Variants in ADGRB3 observed in about 807,000 individuals in gnomAD.
ADGRB3 encodes adhesion G protein-coupled receptor B3, also known as brain-specific angiogenesis inhibitor 3.
In ADGRB3, 37 loss-of-function variants were observed where a neutral mutation model predicts 193.4. The observed-to-expected ratio is 0.19, with a 90% CI of 0.15 to 0.25. ADGRB3 has a LOEUF of 0.25. ADGRB3 is among the 10% of genes least tolerant of loss of function. The pLI, the probability that ADGRB3 is intolerant of heterozygous loss-of-function variation, is 1.00. For missense variants in ADGRB3, 1,637 were observed against 1,852.9 expected (o/e 0.88, Z 2.14); for synonymous variants, 690 against 644.2 (o/e 1.07, Z -1.08).
intron 17 of ADGRB3, among the ~76,000 whole-genome samples, chr6:69,175,976 G>A (rs962618389): frequency 1.3e-5 from 2 of 152,018 alleles, no homozygotes; most frequent in Non-Finnish European, 1.5e-5. Flanking sequence ...TATTGATTTT[G>A]GTACATTGAT....
intron 20 of ADGRB3, among the ~76,000 whole-genome samples, chr6:69,318,337 C>T (rs1283466): frequency 0.17 from 25,268 of 151,124 alleles, 2,243 homozygotes; most frequent in Non-Finnish European, 0.18. Context: ...ATTAATGTGA[C>T]CATATGATTT....
chr6:69,095,687 A>G (rs1772853279), intron 17 of ADGRB3, among the ~76,000 whole-genome samples: 1 of 152,174 alleles, frequency 6.6e-6, no homozygotes, highest in Non-Finnish European at 1.5e-5. Context: ...TGTCGATATA[A>G]AAGACATTAA....
At chr6:69,069,731 T>TAAAAAA (rs754345752) in intron 16 of ADGRB3, among the ~76,000 whole-genome samples, 14 of 108,218 alleles carry the variant, frequency 1.3e-4, no homozygotes, top group African/African-American at 2.0e-4. Context: ...ACTCTCTCAT[T>TAAAAAA]AAAAAAAAAA....
intron 17 of ADGRB3, among the ~76,000 whole-genome samples, chr6:69,094,978 G>T (rs1396065655): frequency 6.6e-6 from 1 of 152,194 alleles, no homozygotes; most frequent in Non-Finnish European, 1.5e-5. Context: ...GAGAACAAAA[G>T]ATATGGACCT....
intron 3 of ADGRB3, among the ~76,000 whole-genome samples, chr6:68,868,472 C>T (rs1423248174): frequency 2.0e-5 from 3 of 152,118 alleles, no homozygotes; most frequent in Non-Finnish European, 4.4e-5. Context: ...ATGTTGTTAT[C>T]TTTAGGAAGA....
intron 20 of ADGRB3, among the ~76,000 whole-genome samples, chr6:69,307,508 A>T (rs1427502786): frequency 2.0e-5 from 3 of 151,660 alleles, no homozygotes; most frequent in Non-Finnish European, 4.4e-5. Flanking sequence ...AAGTTTCATT[A>T]TAAGCATAGC....
At chr6:69,140,638 AT>A (rs1774307919) in intron 17 of ADGRB3, among the ~76,000 whole-genome samples, 1 of 152,228 alleles carries the variant, frequency 6.6e-6, no homozygotes, top group Admixed American at 6.5e-5. Flanking sequence ...CATTTAAAAA[AT>A]AACTAAAAAT....
Position 69,366,235 on chromosome 6 carries a change from G to A in ADGRB3, c.4239+4723G>A, listed in dbSNP as rs375900911. Among the ~76,000 whole-genome samples the A allele has an allele frequency of 5.9e-5, 9 of 151,912 alleles. No individual in the cohort carries two copies. The East Asian group carries it at 1.4e-3, about 23-fold the overall frequency. ...ACAGAATTTTGTCTCTCTTGCAGGC[G>A]TACAACAAAATTAGCTTGAATAAAA... On this transcript the variant is annotated intron_variant, in intron 29 of 31. Transcript: ENST00000370598.
At chr6:69,387,739 T>C (rs1430294442) in intron 31 of ADGRB3, among the ~76,000 whole-genome samples, 1 of 152,074 alleles carries the variant, frequency 6.6e-6, no homozygotes, top group Admixed American at 6.6e-5. Context: ...CTCTCTTTCT[T>C]TAGCCATAGT....
At chr6:68,864,363 G>A (rs1765234208) in intron 3 of ADGRB3, among the ~76,000 whole-genome samples, 1 of 152,168 alleles carries the variant, frequency 6.6e-6, no homozygotes, top group Non-Finnish European at 1.5e-5. Context: ...TTTGAGCTGA[G>A]GTCACGGTGG....
At position 69,062,964 on chromosome 6, in the gene ADGRB3, C is replaced by T. The variant is rs770029264; in HGVS notation, c.2364C>T (p.Ile788=). ...ATACTGTCATTAATTCCAAAATCATCGTGGTCACAATAAGGCCTGAACCCA... is the reference window on the plus strand; with the variant it reads ...ATACTGTCATTAATTCCAAAATCATTGTGGTCACAATAAGGCCTGAACCCA... The part of the protein sequence containing the change: ...RNYTVINSKI[I]VVTIRPEPKT... The change falls in exon 16 of 32, where the codon ATC becomes ATT. Residue 788 remains isoleucine (I), a synonymous_variant. Coordinates refer to ENST00000370598, the MANE Select transcript of ADGRB3 (RefSeq NM_001704.3). The T allele has an allele frequency of 3.1e-6, 5 of 1,611,540 alleles. No homozygotes were observed. Among genetic ancestry groups the T allele is most frequent in the African/African-American group, 1.3e-5 (1 of 74,786 alleles).
chr6:68,711,172 C>T (rs988246079), intron 3 of ADGRB3, among the ~76,000 whole-genome samples: 2 of 152,046 alleles, frequency 1.3e-5, no homozygotes, highest in Admixed American at 1.3e-4. Context: ...TTCCAGATCT[C>T]GGATTCATAA....
chr6:68,882,363 C>T (rs1765756602), intron 3 of ADGRB3, among the ~76,000 whole-genome samples: 1 of 152,176 alleles, frequency 6.6e-6, no homozygotes. Context: ...ATTTAAACCA[C>T]AGGATACTGA....
intron 3 of ADGRB3, among the ~76,000 whole-genome samples, chr6:68,662,480 T>G (rs2127289218): frequency 6.6e-6 from 1 of 151,680 alleles, no homozygotes; most frequent in East Asian, 1.9e-4. Flanking sequence ...GTAAGGAATG[T>G]TTTGTGAATA....
At chr6:69,274,453 C>A (rs1054575918) in intron 20 of ADGRB3, among the ~76,000 whole-genome samples, 11 of 140,734 alleles carry the variant, frequency 7.8e-5, no homozygotes, top group Non-Finnish European at 1.7e-4. Flanking sequence ...CATTTCCTTC[C>A]TTCCTTCCTT....
At chr6:69,219,460 C>CATATATATATATATATATATATAT (rs1561956677) in intron 17 of ADGRB3, among the ~76,000 whole-genome samples, 1 of 54,832 alleles carries the variant, frequency 1.8e-5, no homozygotes, top group Non-Finnish European at 4.3e-5. Flanking sequence ...TACACACACA[C>CATATATATATATATATATATATAT]GTATATATAT....
chr6:68,781,740 C>G (rs534173937), intron 3 of ADGRB3, among the ~76,000 whole-genome samples: 94 of 152,090 alleles, frequency 6.2e-4, no homozygotes, highest in Non-Finnish European at 1.1e-3. Context: ...CTGCTTAGAG[C>G]TGGAGGGACA....
intron 17 of ADGRB3, among the ~76,000 whole-genome samples, chr6:69,135,364 G>A (rs1774121716): frequency 1.3e-5 from 2 of 151,660 alleles, no homozygotes; most frequent in Admixed American, 1.3e-4. Context: ...ATTTTCACCT[G>A]GTGACGTTGG....
intron 3 of ADGRB3, among the ~76,000 whole-genome samples, chr6:68,858,462 C>T (rs1466938629): frequency 2.0e-5 from 3 of 147,912 alleles, no homozygotes; most frequent in African/African-American, 5.0e-5. Flanking sequence ...TGAGATGGAG[C>T]CATTGCACTT....
Sources: gnomAD v4.1 joint callset for allele counts (sites outside exome capture counted in the v4.1 genomes callset) on GRCh38, gnomAD v4.1.1 for gene constraint, MANE v1.5 for transcripts, NCBI Gene and HGNC (gene_info 2026-07-23, HGNC 2026-07-21) for gene names.